Variants in PCDHA1 observed in about 807,000 individuals in gnomAD.
PCDHA1 encodes the protein protocadherin alpha 1.
PCDHA1 carries 42 observed loss-of-function variants against 61.3 expected under a neutral mutation model. The observed-to-expected ratio is 0.69, with a 90% CI of 0.54 to 0.89. The LOEUF is 0.89. Among genes scored for constraint, PCDHA1 ranks in the 40% least tolerant of loss-of-function variants. The pLI, the probability that PCDHA1 is intolerant of heterozygous loss-of-function variation, is 0.00. For missense variants in PCDHA1, 1,256 were observed against 1,235.3 expected, an observed-to-expected ratio of 1.02 and a Z score of -0.25; for synonymous variants, 610 against 553.8, an observed-to-expected ratio of 1.10 and a Z score of -1.43.
chr5:140,864,460 T>C (rs2048484111), intron 1 of PCDHA1: 1 of 152,246 alleles, frequency 6.6e-6, no homozygotes, highest in African/African-American at 2.4e-5. Flanking sequence ...AATATCCATC[T>C]TTTTTGAGAT....
chr5:140,856,362 T>A, intron 1 of PCDHA1: 3 of 1,598,570 alleles, frequency 1.9e-6, no homozygotes, highest in Non-Finnish European at 2.6e-6. Flanking sequence ...AGCATCCACC[T>A]GGAGGTGATC....
chr5:140,896,583 G>T (rs557774521), intron 1 of PCDHA1, among the ~76,000 whole-genome samples: 1 of 151,654 alleles, frequency 6.6e-6, no homozygotes, highest in South Asian at 2.1e-4. Context: ...TGACGTGTTG[G>T]CCAGGCTGGT....
chr5:140,849,974 G>A lies in PCDHA1; in HGVS notation c.2394+61290G>A, dbSNP rs190398483. The stretch of plus-strand genomic sequence containing the variant: ...AGGAGAACGCCCTGGTGTCCTACTC[G>A]CTGGTGGAGCGGCGGTTGGGCGAGC... On this transcript the variant is annotated intron_variant, in intron 1 of 3. Transcript: ENST00000504120. The A allele has an allele frequency of 6.3e-5, 100 of 1,597,670 alleles. 8 individuals carry two copies. Among genetic ancestry groups the A allele is most frequent in the Non-Finnish European group, 7.6e-5 (89 of 1,167,890 alleles).
intron 1 of PCDHA1, among the ~76,000 whole-genome samples, chr5:140,916,434 C>T (rs1554197442): frequency 1.3e-5 from 2 of 152,184 alleles, no homozygotes; most frequent in Non-Finnish European, 2.9e-5. Context: ...AACCTAAGGC[C>T]CACAGTATAC....
At chr5:140,906,265 TATAG>T (rs1455952624) in intron 1 of PCDHA1, among the ~76,000 whole-genome samples, 7 of 152,148 alleles carry the variant, frequency 4.6e-5, no homozygotes, top group African/African-American at 1.2e-4. Context: ...CTCCTGAAAT[TATAG>T]ATAATCTTCA....
chr5:140,878,239 T>C (rs1198199054), intron 1 of PCDHA1: 1 of 155,370 alleles, frequency 6.4e-6, no homozygotes, highest in Non-Finnish European at 1.4e-5. Context: ...ATGGATTCTT[T>C]AACTCTTCCT....
At chr5:140,982,296 C>A in intron 2 of PCDHA1, 179 bp from the exon 3 acceptor site, 1 of 1,167,132 alleles carries the variant, frequency 8.6e-7, no homozygotes, top group Non-Finnish European at 1.2e-6. Flanking sequence ...AGTAAGTCAG[C>A]AATGCTTCTG....
chr5:140,877,062 G>T, intron 1 of PCDHA1: 3 of 1,612,992 alleles, frequency 1.9e-6, no homozygotes, highest in Non-Finnish European at 2.5e-6. Flanking sequence ...AGCTGGAGCT[G>T]CTGCAGTTCC....
intron 1 of PCDHA1, chr5:140,850,280 C>G: frequency 6.3e-7 from 1 of 1,595,478 alleles, no homozygotes; most frequent in Non-Finnish European, 8.6e-7. Flanking sequence ...GGAAGGTGCG[C>G]GCAGTGGACG....
At chr5:140,836,871 T>C in intron 1 of PCDHA1, 1 of 696,422 alleles carries the variant, frequency 1.4e-6, no homozygotes, top group South Asian at 2.4e-5. Context: ...TGTTATGCTG[T>C]ATTTGCACTA....
intron 1 of PCDHA1, among the ~76,000 whole-genome samples, chr5:140,974,327 G>A (rs2096622889): frequency 6.6e-6 from 1 of 152,194 alleles, no homozygotes; most frequent in African/African-American, 2.4e-5. Context: ...TAGCTGCTGT[G>A]CTAGCAGGCT....
intron 1 of PCDHA1, chr5:140,857,722 C>T (rs371525843): frequency 4.4e-6 from 7 of 1,597,318 alleles, no homozygotes; most frequent in African/African-American, 2.7e-5. Flanking sequence ...TGGACGAGAA[C>T]GACAACGCTC....
chr5:140,797,231 A>T (rs781865223), intron 1 of PCDHA1: 2 of 1,614,198 alleles, frequency 1.2e-6, no homozygotes. Flanking sequence ...CAGAGGCGGC[A>T]GAGGGTGTGC....
chr5:140,968,932 A>G, intron 1 of PCDHA1: 3 of 1,614,164 alleles, frequency 1.9e-6, no homozygotes, highest in Non-Finnish European at 2.5e-6. Flanking sequence ...TTCTTTTGAC[A>G]ATCATCATTT....
intron 1 of PCDHA1, among the ~76,000 whole-genome samples, chr5:140,962,168 C>A (rs1207333516): frequency 1.3e-5 from 2 of 152,152 alleles, no homozygotes; most frequent in African/African-American, 4.8e-5. Flanking sequence ...AGCCACCACA[C>A]CCGGCCACTT....
At chr5:140,955,720 T>C (rs921545021) in intron 1 of PCDHA1, among the ~76,000 whole-genome samples, 7 of 152,354 alleles carry the variant, frequency 4.6e-5, no homozygotes, top group East Asian at 1.9e-4. Flanking sequence ...AGGAATACCA[T>C]TGAATCTATA....
rs1554148289 is a variant in PCDHA1, at chr5:140,856,164, G to A, written c.2394+67480G>A. 5.0e-6 allele frequency: 8 copies of A among 1,598,390 alleles called. 1 individual carries two copies. Among genetic ancestry groups the A allele is most frequent in the Non-Finnish European group, 6.8e-6 (8 of 1,167,930 alleles). On this transcript the variant is annotated intron_variant, in intron 1 of 3. Coordinates refer to ENST00000504120, the MANE Select transcript of PCDHA1 (RefSeq NM_018900.4). ...CACTACTCAGTCTACGAGGAGGCCA[G>A]ACACGGCACCTTCGTGGGCCGCATC...
At chr5:140,922,135 C>T (rs550862927) in intron 1 of PCDHA1, among the ~76,000 whole-genome samples, 3 of 152,092 alleles carry the variant, frequency 2.0e-5, no homozygotes, top group African/African-American at 7.2e-5. Context: ...TGTCTCTTAT[C>T]CTCCATGAAA....
intron 3 of PCDHA1, chr5:140,988,853 A>G (rs1216953693): frequency 1.3e-5 from 2 of 152,208 alleles, no homozygotes; most frequent in Non-Finnish European, 2.9e-5. Flanking sequence ...AAACCTATCC[A>G]GTCTCATGTG....
Sources: gnomAD v4.1 joint callset for allele counts (sites outside exome capture counted in the v4.1 genomes callset) on GRCh38, gnomAD v4.1.1 for gene constraint, MANE v1.5 for transcripts, NCBI Gene and HGNC (gene_info 2026-07-23, HGNC 2026-07-21) for gene names.